Variants in INSL6 observed in about 807,000 individuals in gnomAD.
The protein encoded by INSL6 is insulin like 6.
Under a neutral mutation model 9.4 loss-of-function variants are expected in INSL6, and 16 were observed. The observed-to-expected ratio is 1.70, with a 90% CI of 1.15 to 2.59. The LOEUF (loss-of-function observed/expected upper bound fraction) is 2.59, where lower values mean the gene tolerates loss of function less well. INSL6 is among the 30% of genes most tolerant of loss of function. The pLI, the probability that INSL6 is intolerant of heterozygous loss-of-function variation, is 0.00. For synonymous variants in INSL6, 154 were observed against 96.9 expected (o/e 1.59, Z -3.46); for missense variants, 391 against 257.3 (o/e 1.52, Z -3.56).
the INSL6 span, among the ~76,000 whole-genome samples, chr9:5,028,967 C>T: frequency 9.1e-4 from 139 of 152,290 alleles, no homozygotes; most frequent in Non-Finnish European, 1.6e-3. Flanking sequence ...TTACTGCAGT[C>T]GCATTTTTAA....
chr9:5,023,504 G>T, the INSL6 span, among the ~76,000 whole-genome samples: 1 of 152,150 alleles, frequency 6.6e-6, no homozygotes, highest in African/African-American at 2.4e-5. Context: ...TCTCTGGGCA[G>T]CCCTCTATGT....
Position 5,185,384 on chromosome 9 carries a change from T to C in INSL6, c.219A>G (p.Glu73=), listed in dbSNP as rs767186616. 6.2e-7 allele frequency: 1 copy of C among 1,614,142 alleles called. No individual in the cohort carries two copies. The highest frequency in any genetic ancestry group is 1.1e-5 in the South Asian group (1 of 91,068). ...TTTCGAACTGGTATGGGCTGTAGGC[T>C]TCGACCTTCTCCGAGGCCTGTGCAA... is the stretch of plus-strand genomic sequence containing the variant. ...RLIAQASEKV[E]AYSPYQFESP... is the part of the protein sequence containing the mutation. Residue 73 remains glutamate, a synonymous_variant, in exon 1 of 2, where the codon GAA becomes GAG. Coordinates refer to ENST00000381641, the MANE Select transcript of INSL6 (RefSeq NM_007179.3).
At chr9:5,167,254 G>A (rs955457135) in intron 1 of INSL6, among the ~76,000 whole-genome samples, 1 of 152,200 alleles carries the variant, frequency 6.6e-6, no homozygotes, top group African/African-American at 2.4e-5. Flanking sequence ...GCAACCTGGG[G>A]ATCAGGAGGT....
the INSL6 span, among the ~76,000 whole-genome samples, chr9:5,007,722 T>A: frequency 6.7e-6 from 1 of 148,258 alleles, no homozygotes; most frequent in Non-Finnish European, 1.5e-5. Flanking sequence ...ATTATTATAT[T>A]GTCTTTTTTT....
At chr9:5,068,030 C>T in the INSL6 span, among the ~76,000 whole-genome samples, 2 of 151,682 alleles carry the variant, frequency 1.3e-5, no homozygotes, top group Non-Finnish European at 2.9e-5. Flanking sequence ...CATGGTGGTG[C>T]GCACCTGTAG....
At chr9:5,111,673 T>C in the INSL6 span, 1 of 417,446 alleles carries the variant, frequency 2.4e-6, no homozygotes, top group Non-Finnish European at 4.7e-6. Flanking sequence ...GCAGCGGCCC[T>C]GTGGGCAGTG....
the INSL6 span, among the ~76,000 whole-genome samples, chr9:5,087,415 G>A: frequency 6.6e-6 from 1 of 152,060 alleles, no homozygotes; most frequent in African/African-American, 2.4e-5. Flanking sequence ...TGACATGTGG[G>A]GATTATGGGG....
chr9:5,111,689 G>C, the INSL6 span: 2 of 427,300 alleles, frequency 4.7e-6, no homozygotes, highest in East Asian at 6.7e-5. Context: ...CAGTGGCGGA[G>C]GCAGCAGCAC....
chr9:5,140,115 T>C (rs1410780), intron 2 of INSL6, among the ~76,000 whole-genome samples: 146,223 of 152,280 alleles, frequency 0.96, 70,251 homozygotes, highest in East Asian at 1. Flanking sequence ...GAAGCAGCAT[T>C]AGTTATGCAT....
At chr9:5,098,378 C>G in the INSL6 span, 1 of 152,178 alleles carries the variant, frequency 6.6e-6, no homozygotes. Context: ...CAAGACGCTA[C>G]ATCCCCTATC....
the INSL6 span, chr9:5,090,534 C>G: frequency 6.3e-7 from 1 of 1,596,732 alleles, no homozygotes. Context: ...GGATAGATCA[C>G]ATAAAACTTC....
the INSL6 span, chr9:5,085,732 A>AT: frequency 2.7e-6 from 2 of 754,130 alleles, no homozygotes; most frequent in East Asian, 4.9e-5. Flanking sequence ...TCTGCAATTA[A>AT]GGCTGTGGCG....
chr9:5,083,840 C>T, the INSL6 span, among the ~76,000 whole-genome samples: 3 of 152,080 alleles, frequency 2.0e-5, no homozygotes, highest in Admixed American at 6.5e-5. Context: ...GAAAATATTA[C>T]AATGAAGATA....
At chr9:5,090,834 T>G in the INSL6 span, 2 of 1,613,086 alleles carry the variant, frequency 1.2e-6, no homozygotes, top group Non-Finnish European at 1.7e-6. Flanking sequence ...AAATTGGAGA[T>G]TTTGGGTTAA....
chr9:5,081,750 CAT>C, the INSL6 span: 4 of 1,597,320 alleles, frequency 2.5e-6, no homozygotes, highest in Non-Finnish European at 3.4e-6. Context: ...CAGAAAATGA[CAT>C]GTTACCAAAT....
At chr9:5,169,894 T>A (rs1825140035) in intron 1 of INSL6, among the ~76,000 whole-genome samples, 1 of 152,130 alleles carries the variant, frequency 6.6e-6, no homozygotes, top group African/African-American at 2.4e-5. Context: ...CGAAGAGACT[T>A]AAGACTCCCA....
downstream of INSL6, among the ~76,000 whole-genome samples, chr9:5,162,007 A>G (rs994269204): frequency 6.6e-6 from 1 of 151,952 alleles, no homozygotes; most frequent in African/African-American, 2.4e-5. Flanking sequence ...TGAGCCCAGG[A>G]GGTTGAGGGT....
chr9:5,134,297 A>T (rs1438088015), intron 2 of INSL6, among the ~76,000 whole-genome samples: 1 of 152,230 alleles, frequency 6.6e-6, no homozygotes, highest in Non-Finnish European at 1.5e-5. Flanking sequence ...AACTTCCCCA[A>T]CCTAGCAAGG....
At chr9:5,119,580 ATTAC>A (rs763116743), downstream of INSL6, among the ~76,000 whole-genome samples, 66 of 152,196 alleles carry the variant, frequency 4.3e-4, no homozygotes, top group Non-Finnish European at 7.4e-4. Context: ...ATAATTTCTC[ATTAC>A]TTAATTTGCA....
Sources: allele counts gnomAD v4.1 joint callset (sites outside exome capture counted in the v4.1 genomes callset), GRCh38; gene constraint gnomAD v4.1.1; transcripts MANE v1.5; gene names NCBI Gene and HGNC (gene_info 2026-07-23, HGNC 2026-07-21).